FBXO21: variants seen among roughly 807,000 people sequenced by gnomAD.
FBXO21 encodes the protein F-box protein 21.
In FBXO21, 32 loss-of-function variants were observed where a neutral mutation model predicts 76.6. The ratio of observed to expected loss-of-function variants is 0.42; its 90% CI spans 0.32 to 0.56. FBXO21 has a LOEUF of 0.56. Ranked by LOEUF, FBXO21 falls within the 20% of genes least tolerant of loss-of-function variation. The probability of loss-of-function intolerance (pLI) is 0.16; values close to 1 mark genes in which losing one functional copy is unlikely to be tolerated. For missense variants in FBXO21, 586 were observed against 797.3 expected (o/e 0.73, Z 3.19); for synonymous variants, 328 against 311.5 (o/e 1.05, Z -0.56).
chr12:117,150,227 C>A (rs1204706453), intron 11 of FBXO21, among the ~76,000 whole-genome samples: 2 of 152,208 alleles, frequency 1.3e-5, no homozygotes, highest in African/African-American at 4.8e-5. Flanking sequence ...ATGAACCAGG[C>A]ACCACTTAAA....
At chr12:117,149,007 T>C (rs1413442415) in intron 11 of FBXO21, among the ~76,000 whole-genome samples, 1 of 152,164 alleles carries the variant, frequency 6.6e-6, no homozygotes, top group Admixed American at 6.5e-5. Flanking sequence ...CTGGCTAAGA[T>C]GCCCTTTCCT....
At position 117,190,457 on chromosome 12, in the gene FBXO21, C is replaced by G; in HGVS notation, c.-1G>C. 1 of 1,322,784 alleles carries G rather than the reference C, an allele frequency of 7.6e-7. No homozygotes were observed. Among genetic ancestry groups the G allele is most frequent in the Non-Finnish European group, 1.0e-6 (1 of 988,090 alleles). 81.9% of individuals were successfully genotyped at this position (1,322,784 alleles called of 1,614,324 possible). A position where few individuals can be genotyped will look rare whatever the true frequency, so the allele number is the denominator to read the frequency against. ...CGCTGTCGACTGCTGCCGCCGCCAT[C>G]TTGTCCGCGTACCTGGGGCCGCCGC... On this transcript the variant is annotated 5_prime_UTR_variant, in exon 1 of 12. Coordinates refer to ENST00000622495, the MANE Select transcript of FBXO21 (RefSeq NM_015002.3).
chr12:117,147,290 G>GAAAAAAAAAAAA (rs144755940), intron 11 of FBXO21, among the ~76,000 whole-genome samples: 3 of 85,070 alleles, frequency 3.5e-5, no homozygotes, highest in African/African-American at 4.8e-5. Context: ...TGAAAAAATG[G>GAAAAAAAAAAAA]AAAAAAAAAA....
At chr12:117,170,895 GA>G (rs1220733992) in intron 7 of FBXO21, among the ~76,000 whole-genome samples, 4 of 152,118 alleles carry the variant, frequency 2.6e-5, no homozygotes, top group Admixed American at 1.3e-4. Flanking sequence ...TATTTGGGGA[GA>G]GGGAATGGGA....
At chr12:117,175,207 A>T (rs1279610714) in intron 4 of FBXO21, among the ~76,000 whole-genome samples, 1 of 151,618 alleles carries the variant, frequency 6.6e-6, no homozygotes, top group Non-Finnish European at 1.5e-5. Context: ...TAAAAAAACA[A>T]AACAACAAAA....
chr12:117,183,597 G>A (rs1406284059), intron 3 of FBXO21, among the ~76,000 whole-genome samples: 5 of 152,176 alleles, frequency 3.3e-5, no homozygotes, highest in South Asian at 2.1e-4. Flanking sequence ...AAAGTTTTCC[G>A]TGATTGTTAG....
intron 7 of FBXO21, among the ~76,000 whole-genome samples, chr12:117,169,369 C>T (rs1464092003): frequency 2.0e-5 from 3 of 152,054 alleles, no homozygotes; most frequent in Admixed American, 6.6e-5. Context: ...GGGCACTAGG[C>T]TTAATACCTG....
chr12:117,159,620 T>C (rs1425912438), intron 9 of FBXO21, among the ~76,000 whole-genome samples: 1 of 152,200 alleles, frequency 6.6e-6, no homozygotes, highest in Non-Finnish European at 1.5e-5. Context: ...AGCCGGGTGC[T>C]TTTAATTGTG....
rs1955763198 is a variant in FBXO21 at position 117,145,845 on chromosome 12, G to A, written c.*242C>T. 1 of 359,438 alleles carries A rather than the reference G, an allele frequency of 2.8e-6. No homozygotes were observed. The allele number at this position is 359,438 out of a possible 1,614,324, so 22.3% of individuals were successfully genotyped here. A position where few individuals can be genotyped will look rare whatever the true frequency, so the allele number is the denominator to read the frequency against. On this transcript the variant is annotated 3_prime_UTR_variant, in exon 12 of 12. Coordinates refer to ENST00000622495, the MANE Select transcript of FBXO21 (RefSeq NM_015002.3). The stretch of plus-strand genomic sequence containing the variant: ...CTGTCACCACAGGACAAGCATACAA[G>A]CCATGCCACTGACACAGTGCCTTTC...
intron 11 of FBXO21, among the ~76,000 whole-genome samples, chr12:117,151,657 G>T (rs1955843776): frequency 1.3e-5 from 2 of 152,212 alleles, no homozygotes; most frequent in South Asian, 4.2e-4. Flanking sequence ...GGGCAAATGT[G>T]AGCATAAAAT....
At position 117,146,174 on chromosome 12, in the gene FBXO21, C is replaced by T. The variant is rs537742336; in HGVS notation, c.1779G>A (p.Leu593=). 16 of 1,614,130 alleles carry T rather than the reference C, an allele frequency of 9.9e-6. No individual in the cohort carries two copies. The South Asian group carries it at 1.8e-4, about 18-fold the overall frequency. ...CCAGATCTTCTGGATACCGGATCTC[C>T]AGCTCTGCGTTTGGGATGTAGTGAG... ...TGTHYIPNAE[L]EIRYPEDLEF... is the part of the protein sequence containing the mutation. Residue 593 remains leucine, a synonymous_variant, in exon 12 of 12, where the codon CTG becomes CTA. Coordinates refer to ENST00000622495, the MANE Select transcript of FBXO21 (RefSeq NM_015002.3).
chr12:117,163,090 A>C (rs1037793903), intron 9 of FBXO21, among the ~76,000 whole-genome samples: 1 of 152,204 alleles, frequency 6.6e-6, no homozygotes, highest in Non-Finnish European at 1.5e-5. Context: ...ATGCGCTGGC[A>C]ATGAGCCACT....
At chr12:117,151,244 C>T (rs1323716775) in intron 11 of FBXO21, among the ~76,000 whole-genome samples, 1 of 152,018 alleles carries the variant, frequency 6.6e-6, no homozygotes, top group Non-Finnish European at 1.5e-5. Context: ...GGGACAGGAG[C>T]GGCACTCTCC....
At position 117,189,536 on chromosome 12, in the gene FBXO21, C is replaced by G. The variant is rs552210939; in HGVS notation, c.240-174G>C. Among the ~76,000 whole-genome samples, 5 of 152,220 alleles carry G rather than the reference C, an allele frequency of 3.3e-5. No individual in the cohort carries two copies. The East Asian group carries it at 9.7e-4, about 29-fold the overall frequency. On this transcript the variant is annotated intron_variant, in intron 1 of 11. Transcript: ENST00000622495. The stretch of plus-strand genomic sequence containing the variant: ...TTCACTCACTCACTCCCGGTGTGAC[C>G]TTGGCGTAGCGGCATGAATGATGTC...
chr12:117,186,183 C>T (rs933191550), intron 3 of FBXO21, among the ~76,000 whole-genome samples: 9 of 152,124 alleles, frequency 5.9e-5, no homozygotes, highest in African/African-American at 2.2e-4. Flanking sequence ...GGCCTATTAC[C>T]AAAAGGTTTC....
intron 10 of FBXO21, among the ~76,000 whole-genome samples, chr12:117,157,533 A>G (rs1224757067): frequency 1.3e-5 from 2 of 152,194 alleles, no homozygotes; most frequent in African/African-American, 2.4e-5. Context: ...GTGACAAGAT[A>G]TAAGAACAAT....
intron 3 of FBXO21, among the ~76,000 whole-genome samples, chr12:117,182,362 T>C (rs1196495676): frequency 1.3e-5 from 2 of 152,054 alleles, no homozygotes; most frequent in Admixed American, 6.6e-5. Flanking sequence ...TGATGGTACA[T>C]GCCTGTATTC....
At chr12:117,149,274 A>C (rs1357418420) in intron 11 of FBXO21, among the ~76,000 whole-genome samples, 3 of 152,172 alleles carry the variant, frequency 2.0e-5, no homozygotes, top group Non-Finnish European at 4.4e-5. Flanking sequence ...TGTTGGGATT[A>C]CAAGTGTGAG....
At chr12:117,176,152 G>T (rs1217627950) in intron 4 of FBXO21, among the ~76,000 whole-genome samples, 1 of 152,148 alleles carries the variant, frequency 6.6e-6, no homozygotes, top group Non-Finnish European at 1.5e-5. Context: ...CACAACACGG[G>T]AAGCTTAGGG....
Sources: allele counts gnomAD v4.1 joint callset (sites outside exome capture counted in the v4.1 genomes callset), GRCh38; gene constraint gnomAD v4.1.1; transcripts MANE v1.5; gene names NCBI Gene and HGNC (gene_info 2026-07-23, HGNC 2026-07-21).